The following FLYWCH1 variants were observed in gnomAD, a reference collection of about 807,000 sequenced individuals.
The protein encoded by FLYWCH1 is FLYWCH-type zinc finger-containing protein 1.
A neutral mutation model predicts 66.4 loss-of-function variants in FLYWCH1; 75 were observed. The ratio of observed to expected loss-of-function variants is 1.13; its 90% CI spans 0.94 to 1.37. The LOEUF is 1.37. Among genes scored for constraint, FLYWCH1 ranks in the 40% most tolerant of loss-of-function variants. FLYWCH1 has a pLI of 0.00. For synonymous variants in FLYWCH1, 595 were observed against 429.9 expected (o/e 1.38, Z -4.75); for missense variants, 1,334 against 1,001.8 (o/e 1.33, Z -4.48).
intron 9 of FLYWCH1, among the ~76,000 whole-genome samples, chr16:2,943,112 T>G (rs1397795120): frequency 6.6e-6 from 1 of 152,154 alleles, no homozygotes; most frequent in Admixed American, 6.6e-5. Flanking sequence ...GCTGAACACT[T>G]GCTTTTCTTC....
intron 2 of FLYWCH1, among the ~76,000 whole-genome samples, chr16:2,918,999 G>A (rs1392602650): frequency 6.6e-6 from 1 of 151,968 alleles, no homozygotes; most frequent in African/African-American, 2.4e-5. Flanking sequence ...CCAGGCTGGA[G>A]TGCAGTGGCA....
At position 2,933,241 on chromosome 16, in the gene FLYWCH1, C is replaced by T. The variant is rs372022354; in HGVS notation, c.908C>T (p.Thr303Ile). ...EKAVGDKVYW[T>I]CRDHALHGCR... ...GCTGTCGGGGACAAGGTGTATTGGA[C>T]CTGCCGGGACCACGCGCTGCACGGC... The change falls in exon 5 of 10, where the codon ACC becomes ATC. Residue 303 changes from threonine (T) to isoleucine (I), a missense_variant. Coordinates refer to ENST00000253928, the MANE Select transcript of FLYWCH1 (RefSeq NM_001308068.2). The T allele has an allele frequency of 3.1e-5, 50 of 1,613,432 alleles. No individual in the cohort carries two copies. In the South Asian group the frequency reaches 5.3e-4, roughly 17 times the overall value.
intron 2 of FLYWCH1, among the ~76,000 whole-genome samples, chr16:2,921,241 A>G (rs1368267096): frequency 6.6e-6 from 1 of 152,168 alleles, no homozygotes; most frequent in African/African-American, 2.4e-5. Flanking sequence ...TATATTCAGA[A>G]AGCTGTCCAA....
intron 6 of FLYWCH1, chr16:2,936,603 C>T: frequency 2.2e-6 from 1 of 457,202 alleles, no homozygotes; most frequent in South Asian, 1.5e-5. Context: ...GGGCAAGGCA[C>T]AGCCACCCGC....
At chr16:2,932,675 C>G (rs983666074) in intron 4 of FLYWCH1, among the ~76,000 whole-genome samples, 4 of 152,046 alleles carry the variant, frequency 2.6e-5, no homozygotes, top group Admixed American at 6.6e-5. Flanking sequence ...TGTATTATAC[C>G]TTGTGTGTTT....
rs2071622799 is a variant in FLYWCH1 at position 2,949,768 on chromosome 16, C to T, written c.*1041C>T. 1.3e-5 allele frequency: 2 copies of T among 152,002 alleles called. No individual in the cohort carries two copies. Among genetic ancestry groups the T allele is most frequent in the Admixed American group, 6.6e-5 (1 of 15,242 alleles). The allele number at this position is 152,002 out of a possible 1,614,324, so 9.4% of individuals were successfully genotyped here. A position where few individuals can be genotyped will look rare whatever the true frequency, so the allele number is the denominator to read the frequency against. ...TGACAGCCTGGGCACCCCTGCTTCTCCTCTGCTTGTACGGTTCCCCCAATA... is the reference window on the plus strand; with the variant it reads ...TGACAGCCTGGGCACCCCTGCTTCTTCTCTGCTTGTACGGTTCCCCCAATA... On this transcript the variant is annotated 3_prime_UTR_variant, in exon 10 of 10. Transcript: ENST00000253928.
chr16:2,930,915 G>A (rs569824497), intron 4 of FLYWCH1, 35 bp downstream of exon 4: 44 of 1,508,516 alleles, frequency 2.9e-5, no homozygotes, highest in Admixed American at 6.3e-5. Context: ...GCGTCCACTC[G>A]GGGCAGGGGA....
At chr16:2,945,015 G>C (rs1311421698) in intron 9 of FLYWCH1, among the ~76,000 whole-genome samples, 1 of 151,932 alleles carries the variant, frequency 6.6e-6, no homozygotes, top group African/African-American at 2.4e-5. Flanking sequence ...CTGACCCTGT[G>C]CAGGCCTAGG....
chr16:2,930,415 C>A lies in FLYWCH1; in HGVS notation c.331C>A (p.Pro111Thr). ...QKCSKLDAAA[P>T]QSLEFLRTPF... The stretch of plus-strand genomic sequence containing the variant: ...TAGCCTTCCCGTTCCCCCAGCAGCC[C>A]CTCAGTCCCTGGAGTTCCTGAGGAC... Residue 111 changes from proline (P) to threonine (T), a missense_variant, in exon 4 of 10, where the codon CCT (proline) becomes ACT (threonine). By Grantham distance (38) the Pro-to-Thr change is conservative. Coordinates refer to ENST00000253928, the MANE Select transcript of FLYWCH1 (RefSeq NM_001308068.2). The A allele has an allele frequency of 6.9e-7, 1 of 1,456,920 alleles. No individual in the cohort carries two copies. Among genetic ancestry groups the A allele is most frequent in the Non-Finnish European group, 9.1e-7 (1 of 1,103,330 alleles). 90.2% of individuals were successfully genotyped at this position (1,456,920 alleles called of 1,614,324 possible). A position where few individuals can be genotyped will look rare whatever the true frequency, so the allele number is the denominator to read the frequency against.
intron 9 of FLYWCH1, among the ~76,000 whole-genome samples, chr16:2,942,982 A>G (rs972011204): frequency 6.6e-5 from 10 of 151,724 alleles, no homozygotes; most frequent in African/African-American, 2.4e-4. Flanking sequence ...GATTACAGGC[A>G]TGAGCCACCA....
intron 2 of FLYWCH1, among the ~76,000 whole-genome samples, chr16:2,919,145 T>C (rs2070278519): frequency 6.6e-6 from 1 of 151,786 alleles, no homozygotes; most frequent in Admixed American, 6.6e-5. Context: ...GGTCTCGATC[T>C]CCTGACGTTG....
chr16:2,934,098 C>T (rs1426646475), intron 6 of FLYWCH1, 119 bp downstream of exon 6: 6 of 1,231,330 alleles, frequency 4.9e-6, no homozygotes, highest in Admixed American at 2.8e-5. Flanking sequence ...TTTGAACATC[C>T]TAGAAGGAAC....
intron 2 of FLYWCH1, among the ~76,000 whole-genome samples, chr16:2,920,922 A>G (rs928893475): frequency 1.4e-5 from 2 of 140,510 alleles, no homozygotes; most frequent in Non-Finnish European, 3.0e-5. Context: ...GCTCACTGCA[A>G]CCTCTGCCTC....
chr16:2,936,864 G>A (rs1443935229), intron 6 of FLYWCH1: 3 of 639,554 alleles, frequency 4.7e-6, no homozygotes, highest in Admixed American at 4.2e-5. Flanking sequence ...CTGCCTCCCT[G>A]AAGGCATGGC....
At chr16:2,941,657 G>A (rs555430825) in intron 9 of FLYWCH1, among the ~76,000 whole-genome samples, 25 of 149,106 alleles carry the variant, frequency 1.7e-4, no homozygotes, top group African/African-American at 5.9e-4. Context: ...TGGGAGGATC[G>A]CTTGAGCCCA....
In FLYWCH1 at chr16:2,930,615, T is replaced by C; in HGVS notation, c.531T>C (p.Asp177=). 1.3e-6 allele frequency: 2 copies of C among 1,551,424 alleles called. No homozygotes were observed. Among genetic ancestry groups the C allele is most frequent in the South Asian group, 1.2e-5 (1 of 84,230 alleles). ...TGCGGGGCCACTGCCACGCGCCCGA[T>C]GAGCAAGGCCTGGAGGCCCGGCGCC... ...TVMRGHCHAP[D]EQGLEARRQR... is the part of the protein sequence containing the mutation. Residue 177 remains aspartate, a synonymous_variant, in exon 4 of 10, where the codon GAT becomes GAC. Coordinates refer to ENST00000253928, the MANE Select transcript of FLYWCH1 (RefSeq NM_001308068.2).
Position 2,937,200 on chromosome 16 carries a change from G to T in FLYWCH1, c.1593G>T (p.Ala531=), listed in dbSNP as rs372016332. 6.6e-7 allele frequency: 1 copy of T among 1,507,638 alleles called. No homozygotes were observed. Among genetic ancestry groups the T allele is most frequent in the Non-Finnish European group, 8.9e-7 (1 of 1,127,742 alleles). The allele number at this position is 1,507,638 out of a possible 1,614,324, so 93.4% of individuals were successfully genotyped here. ...CCTTCCTCTACCGGCGGGAGAAGGC[G>T]GCCGGGGAGAAGGTGTATTGGACCT... ...YESFLYRREK[A]AGEKVYWTCR... Residue 531 remains alanine, a synonymous_variant, in exon 7 of 10, where the codon GCG becomes GCT. Coordinates refer to ENST00000253928, the MANE Select transcript of FLYWCH1 (RefSeq NM_001308068.2).
intron 1 of FLYWCH1, among the ~76,000 whole-genome samples, chr16:2,912,670 T>C (rs1470618850): frequency 1.3e-5 from 2 of 152,200 alleles, no homozygotes; most frequent in African/African-American, 4.8e-5. Flanking sequence ...GAGACGCTTG[T>C]TTAAGCTCAC....
intron 3 of FLYWCH1, 129 bp from the exon 4 acceptor site, chr16:2,930,281 C>A: frequency 1.5e-6 from 1 of 657,128 alleles, no homozygotes. Context: ...AGAGTCTGGG[C>A]TTCTTGCTTG....
Sources: allele counts gnomAD v4.1 joint callset (sites outside exome capture counted in the v4.1 genomes callset), GRCh38; gene constraint gnomAD v4.1.1; transcripts MANE v1.5; gene names NCBI Gene and HGNC (gene_info 2026-07-23, HGNC 2026-07-21).